NTM: variants seen among roughly 807,000 people sequenced by gnomAD.
The protein encoded by NTM is neurotrimin, also known as IgLON family member 2.
NTM carries 13 observed loss-of-function variants against 42.1 expected under a neutral mutation model. That is an observed-to-expected ratio of 0.31 (90% CI 0.20 to 0.49). The LOEUF (loss-of-function observed/expected upper bound fraction) is 0.49, where lower values mean the gene tolerates loss of function less well. Among genes scored for constraint, NTM ranks in the 20% least tolerant of loss-of-function variants. The pLI, the probability that NTM is intolerant of heterozygous loss-of-function variation, is 0.99. For synonymous variants in NTM, 187 were observed against 179.2 expected, an observed-to-expected ratio of 1.04 and a Z score of -0.35; for missense variants, 373 against 452.8, an observed-to-expected ratio of 0.82 and a Z score of 1.60.
At chr11:132,177,603 A>G (rs543379374) in intron 3 of NTM, among the ~76,000 whole-genome samples, 1 of 152,332 alleles carries the variant, frequency 6.6e-6, no homozygotes, top group East Asian at 1.9e-4. Context: ...TTTTTTCCTA[A>G]CAAGCAACTT....
chr11:131,601,874 G>A (rs2060515183), intron 1 of NTM, among the ~76,000 whole-genome samples: 2 of 152,252 alleles, frequency 1.3e-5, no homozygotes, highest in South Asian at 4.2e-4. Context: ...GAATACTGGA[G>A]TGAGCACTGT....
chr11:131,853,861 A>G (rs761664063), intron 1 of NTM, among the ~76,000 whole-genome samples: 23 of 152,218 alleles, frequency 1.5e-4, no homozygotes, highest in Admixed American at 3.9e-4. Flanking sequence ...TCCCACCAAC[A>G]GTGTCAAAGC....
intron 1 of NTM, among the ~76,000 whole-genome samples, chr11:131,417,716 C>A (rs1014619752): frequency 1.3e-5 from 2 of 152,146 alleles, no homozygotes; most frequent in African/African-American, 4.8e-5. Flanking sequence ...ATCAAAGAAC[C>A]TAAACTATCA....
At position 131,529,623 on chromosome 11, in the gene NTM, G is replaced by T. The variant is rs55748005; in HGVS notation, c.82+158735G>T. Among the ~76,000 whole-genome samples the T allele has an allele frequency of 3.3e-5, 5 of 152,066 alleles. No homozygotes were observed. The South Asian group carries it at 8.3e-4, about 25-fold the overall frequency. ...TTAACACGCACCAACTGAAATCAAG[G>T]CTGCTCGGTGCATGTGTTGGTTTCA... On this transcript the variant is annotated intron_variant, in intron 1 of 8. Coordinates refer to ENST00000683400, the MANE Select transcript of NTM (RefSeq NM_001352005.2).
At chr11:131,479,202 T>C (rs758850774) in intron 1 of NTM, among the ~76,000 whole-genome samples, 3 of 152,194 alleles carry the variant, frequency 2.0e-5, no homozygotes, top group Non-Finnish European at 4.4e-5. Flanking sequence ...TTGTGAAGCA[T>C]TTTAGGGCTT....
At chr11:131,924,517 T>C (rs941603563) in intron 2 of NTM, among the ~76,000 whole-genome samples, 5 of 152,222 alleles carry the variant, frequency 3.3e-5, no homozygotes, top group African/African-American at 1.2e-4. Flanking sequence ...GTGACAGCTC[T>C]ACCCAAAGGA....
chr11:131,467,504 A>G (rs1469547480), intron 1 of NTM, among the ~76,000 whole-genome samples: 2 of 152,220 alleles, frequency 1.3e-5, no homozygotes, highest in Non-Finnish European at 2.9e-5. Context: ...AGAGCTGGCC[A>G]TGATGAAAGC....
intron 1 of NTM, among the ~76,000 whole-genome samples, chr11:131,813,126 C>T (rs539288458): frequency 2.0e-5 from 3 of 152,286 alleles, no homozygotes; most frequent in South Asian, 2.1e-4. Flanking sequence ...GTTACGCCTT[C>T]GGGGGTGCTC....
intron 1 of NTM, among the ~76,000 whole-genome samples, chr11:131,561,294 TG>T (rs1227687325): frequency 6.6e-6 from 1 of 152,240 alleles, no homozygotes; most frequent in East Asian, 1.9e-4. Context: ...AATGGATATT[TG>T]AATATTTTTG....
chr11:132,240,477 A>G (rs1446426606), intron 4 of NTM, among the ~76,000 whole-genome samples: 6 of 152,346 alleles, frequency 3.9e-5, no homozygotes, highest in South Asian at 2.1e-4. Context: ...AGCGTCTCCA[A>G]TTTTAAAACT....
intron 1 of NTM, among the ~76,000 whole-genome samples, chr11:131,563,568 A>G (rs1394359703): frequency 2.1e-5 from 3 of 140,606 alleles, no homozygotes; most frequent in African/African-American, 8.0e-5. Flanking sequence ...CTCCTGTGAC[A>G]GCTCCAGACA....
At chr11:131,565,761 G>A (rs532161314) in intron 1 of NTM, among the ~76,000 whole-genome samples, 10 of 152,334 alleles carry the variant, frequency 6.6e-5, no homozygotes, top group African/African-American at 9.6e-5. Flanking sequence ...ACTCTGCCCC[G>A]TGACTTCTGA....
At chr11:132,118,777 A>G (rs1482436880) in intron 2 of NTM, among the ~76,000 whole-genome samples, 1 of 152,196 alleles carries the variant, frequency 6.6e-6, no homozygotes, top group African/African-American at 2.4e-5. Flanking sequence ...ATTGGTATGC[A>G]TTAGGCTGGT....
At chr11:132,272,192 G>A (rs920023816) in intron 4 of NTM, among the ~76,000 whole-genome samples, 1 of 152,098 alleles carries the variant, frequency 6.6e-6, no homozygotes, top group African/African-American at 2.4e-5. Flanking sequence ...TAACTGTGGG[G>A]TGGGAGTGTT....
At chr11:131,792,587 C>T (rs975632331) in intron 1 of NTM, among the ~76,000 whole-genome samples, 10 of 152,206 alleles carry the variant, frequency 6.6e-5, no homozygotes, top group Non-Finnish European at 1.3e-4. Flanking sequence ...CCATCACCAC[C>T]TCTTCATAAA....
At chr11:131,630,451 AG>A (rs1218364778) in intron 1 of NTM, among the ~76,000 whole-genome samples, 1 of 44,486 alleles carries the variant, frequency 2.2e-5, no homozygotes, top group East Asian at 5.8e-4. Context: ...CTGTGTTCTC[AG>A]TGTTTCTTTT....
At chr11:132,218,499 C>T (rs192921022) in intron 4 of NTM, among the ~76,000 whole-genome samples, 1 of 152,230 alleles carries the variant, frequency 6.6e-6, no homozygotes, top group African/African-American at 2.4e-5. Context: ...GAAAGAGGGA[C>T]CTAGGGCGTA....
chr11:131,613,300 C>T (rs2061615577), intron 1 of NTM, among the ~76,000 whole-genome samples: 1 of 152,102 alleles, frequency 6.6e-6, no homozygotes. Context: ...GGGACACCCG[C>T]CTGACTTCGT....
At chr11:132,046,051 TA>T (rs2077942258) in intron 2 of NTM, among the ~76,000 whole-genome samples, 1 of 152,210 alleles carries the variant, frequency 6.6e-6, no homozygotes, top group Admixed American at 6.5e-5. Flanking sequence ...TTTTAGACTA[TA>T]ACCATCCAAA....
Sources: allele counts gnomAD v4.1 joint callset (sites outside exome capture counted in the v4.1 genomes callset), GRCh38; gene constraint gnomAD v4.1.1; transcripts MANE v1.5; gene names NCBI Gene and HGNC (gene_info 2026-07-23, HGNC 2026-07-21).